DNHD1: variants seen among roughly 807,000 people sequenced by gnomAD.
The protein encoded by DNHD1 is dynein heavy chain domain 1.
Under a neutral mutation model 458.1 loss-of-function variants are expected in DNHD1, and 383 were observed. That is an observed-to-expected ratio of 0.84 (90% CI 0.77 to 0.91). The LOEUF (loss-of-function observed/expected upper bound fraction) is 0.91, where lower values mean the gene tolerates loss of function less well. Ranked by LOEUF, DNHD1 falls within the 40% of genes least tolerant of loss-of-function variation. The pLI, the probability that DNHD1 is intolerant of heterozygous loss-of-function variation, is 0.00. For synonymous variants in DNHD1, 2,203 were observed against 2,376.9 expected (o/e 0.93, Z 2.13); for missense variants, 5,336 against 5,866.1 (o/e 0.91, Z 2.95).
At chr11:6,509,775 C>T (rs1206382824) in intron 6 of DNHD1, among the ~76,000 whole-genome samples, 5 of 152,116 alleles carry the variant, frequency 3.3e-5, no homozygotes, top group Admixed American at 2.0e-4. Flanking sequence ...TACATGACTC[C>T]TCAGCTACTC....
intron 4 of DNHD1, chr11:6,503,128 T>A: frequency 1.8e-6 from 1 of 541,808 alleles, no homozygotes; most frequent in Non-Finnish European, 3.2e-6. Flanking sequence ...TCACTCCCTG[T>A]TGCTTACACA....
Position 6,557,727 on chromosome 11 carries a change from A to C in DNHD1, c.8432A>C (p.His2811Pro). 6.4e-7 allele frequency: 1 copy of C among 1,551,746 alleles called. No individual in the cohort carries two copies. Among genetic ancestry groups the C allele is most frequent in the Non-Finnish European group, 8.7e-7 (1 of 1,146,992 alleles). ...SPLLLPVLLLHPQEKPSDLVF... is the reference protein window; with the variant it reads ...SPLLLPVLLLPPQEKPSDLVF... ...TTGTTGTTACCAGTGTTACTACTACATCCCCAGGAAAAGCCCTCAGACCTG... is the reference window on the plus strand; with the variant it reads ...TTGTTGTTACCAGTGTTACTACTACCTCCCCAGGAAAAGCCCTCAGACCTG... The change falls in exon 25 of 43, where the codon CAT becomes CCT. Residue 2811 changes from histidine (H) to proline (P), a missense_variant. By Grantham distance (77) the His-to-Pro change is moderately conservative. Coordinates refer to ENST00000254579, the MANE Select transcript of DNHD1 (RefSeq NM_144666.3).
chr11:6,570,456 C>T, intron 41 of DNHD1, 60 bp downstream of exon 41: 1 of 1,527,338 alleles, frequency 6.5e-7, no homozygotes, highest in Non-Finnish European at 8.8e-7. Context: ...ATGCCACCCC[C>T]CACAGAAATG....
chr11:6,539,258 C>T lies in DNHD1; in HGVS notation c.3365C>T (p.Thr1122Met), dbSNP rs549431412. The T allele has an allele frequency of 2.4e-5, 38 of 1,551,670 alleles. No homozygotes were observed. In the South Asian group the frequency reaches 2.6e-4, roughly 11 times the overall value. The change falls in exon 17 of 43, where the codon ACG becomes ATG. Residue 1122 changes from threonine (T) to methionine (M), a missense_variant. Physicochemically the swap from Thr to Met is moderately conservative, Grantham distance 81. This residue lies in a region of DNHD1 where 3,932 missense variants were observed against 4,365.6 expected (regional missense o/e 0.90). Transcript: ENST00000254579. ...AGTCTCCAAACTATAGAACTCCTAA[C>T]GCTGGGCCAGCTGCTTACTTATCCA... The part of the protein sequence containing the change: ...LGSLQTIELL[T>M]LGQLLTYPLL...
rs1197587796 is a variant in DNHD1, at chr11:6,539,285, T to C, written c.3392T>C (p.Leu1131Pro). Residue 1131 changes from leucine to proline, a missense_variant, in exon 17 of 43, where the codon CTG becomes CCG. By Grantham distance (98) the Leu-to-Pro change is moderately conservative. Coordinates refer to ENST00000254579, the MANE Select transcript of DNHD1 (RefSeq NM_144666.3). ...LTLGQLLTYP[L>P]LEFADRINQV... ...CTGGGCCAGCTGCTTACTTATCCACTGCTGGAGTTTGCAGATCGAATCAAC... is the reference window on the plus strand; with the variant it reads ...CTGGGCCAGCTGCTTACTTATCCACCGCTGGAGTTTGCAGATCGAATCAAC... 6.4e-7 allele frequency: 1 copy of C among 1,551,640 alleles called. No individual in the cohort carries two copies. Among genetic ancestry groups the C allele is most frequent in the Non-Finnish European group, 8.7e-7 (1 of 1,146,964 alleles).
chr11:6,569,928 G>A, intron 39 of DNHD1, 81 bp from the exon 40 acceptor site: 2 of 1,234,932 alleles, frequency 1.6e-6, no homozygotes, highest in South Asian at 1.3e-5. Context: ...TCAGGAGAGA[G>A]GTTTGAACTG....
chr11:6,567,928 C>T (rs1052624648), intron 36 of DNHD1, 68 bp downstream of exon 36: 14 of 1,490,962 alleles, frequency 9.4e-6, no homozygotes, highest in Middle Eastern at 1.9e-4. Flanking sequence ...GGGACCCCCT[C>T]CAAGCATTTT....
chr11:6,556,084 C>T (rs757800801), intron 24 of DNHD1, among the ~76,000 whole-genome samples: 5 of 152,144 alleles, frequency 3.3e-5, no homozygotes, highest in Non-Finnish European at 7.3e-5. Context: ...AGTGATCCTC[C>T]AGCCTTAGCC....
rs1317254552 is a variant in DNHD1 at position 6,571,906 on chromosome 11, C to G, written c.14182C>G (p.His4728Asp). ...GCTGCAGAGCAGGAACATCGTGATGCATCTGCCTTTACCCACCAAGCTCAC... is the reference window on the plus strand; with the variant it reads ...GCTGCAGAGCAGGAACATCGTGATGGATCTGCCTTTACCCACCAAGCTCAC... ...AKLQSRNIVM[H>D]LPLPTKLTPN... is the part of the protein sequence containing the mutation. The change falls in exon 43 of 43, where the codon CAT (histidine) becomes GAT (aspartate). Residue 4728 changes from histidine to aspartate, a missense_variant. His to Asp is a moderately conservative substitution (Grantham distance 81, BLOSUM62 -1). Coordinates refer to ENST00000254579, the MANE Select transcript of DNHD1 (RefSeq NM_144666.3). This position sits in a 1 kb window ranked among gnomAD's most constrained non-coding sequence, Gnocchi z 5.0. 2 of 1,613,934 alleles carry G rather than the reference C, an allele frequency of 1.2e-6. No homozygotes were observed. The highest frequency in any genetic ancestry group is 1.7e-6 in the Non-Finnish European group (2 of 1,179,912).
At position 6,544,833 on chromosome 11, in the gene DNHD1, G is replaced by A; in HGVS notation, c.3894G>A (p.Leu1298=). The A allele has an allele frequency of 6.4e-7, 1 of 1,551,700 alleles. No individual in the cohort carries two copies. Among genetic ancestry groups the A allele is most frequent in the Non-Finnish European group, 8.7e-7 (1 of 1,147,002 alleles). ...FKVMDDQYRT[L]MRISVADPMV... The stretch of plus-strand genomic sequence containing the variant: ...TCATGGATGACCAGTATCGAACCCT[G>A]ATGCGCATCTCTGTAGCTGACCCCA... The change falls in exon 21 of 43, where the codon CTG becomes CTA. Residue 1298 remains leucine (L), a synonymous_variant. Coordinates refer to ENST00000254579, the MANE Select transcript of DNHD1 (RefSeq NM_144666.3).
chr11:6,556,040 G>A (rs1853455766), intron 24 of DNHD1, among the ~76,000 whole-genome samples: 1 of 152,036 alleles, frequency 6.6e-6, no homozygotes, highest in Non-Finnish European at 1.5e-5. Context: ...AGGCTGGATG[G>A]TGCGATCAGG....
rs1389114467 is a variant in DNHD1, at chr11:6,546,725, G to A, written c.5786G>A (p.Arg1929Gln). ...AATGGGCTCCACCTGCACAACCTCCGAGGGCTGTTGTGTGCGCTTTTCCCT... is the reference window on the plus strand; with the variant it reads ...AATGGGCTCCACCTGCACAACCTCCAAGGGCTGTTGTGTGCGCTTTTCCCT... ...ILNGLHLHNLRGLLCALFPSA... is the reference protein window; with the variant it reads ...ILNGLHLHNLQGLLCALFPSA... Residue 1929 changes from arginine (R) to glutamine (Q), a missense_variant, in exon 21 of 43, where the codon CGA (arginine) becomes CAA (glutamine). Transcript: ENST00000254579. The A allele has an allele frequency of 8.4e-6, 13 of 1,551,664 alleles. No individual in the cohort carries two copies. The highest frequency in any genetic ancestry group is 3.9e-5 in the Admixed American group (2 of 51,002).
In DNHD1 at chr11:6,510,416, C is replaced by G. The variant is rs373971778; in HGVS notation, c.1236-857C>G. Among the ~76,000 whole-genome samples, 11 of 152,148 alleles carry G rather than the reference C, an allele frequency of 7.2e-5. No homozygotes were observed. The East Asian group carries it at 7.7e-4, about 11-fold the overall frequency. On this transcript the variant is annotated intron_variant, in intron 6 of 42. Coordinates refer to ENST00000254579, the MANE Select transcript of DNHD1 (RefSeq NM_144666.3). ...TTTTTATTAAAACACTGTATGCTAG[C>G]CAACTCTTAGTGACTCATTTTGAAA...
intron 16 of DNHD1, 33 bp downstream of exon 16, chr11:6,538,843 G>A (rs1010781142): frequency 3.4e-6 from 5 of 1,467,554 alleles, no homozygotes; most frequent in Non-Finnish European, 4.5e-6. Context: ...GAGGGGGAAA[G>A]GGAAATATGT....
intron 18 of DNHD1, among the ~76,000 whole-genome samples, chr11:6,543,695 T>C (rs576129794): frequency 1.7e-4 from 26 of 152,148 alleles, no homozygotes; most frequent in East Asian, 7.8e-4. Flanking sequence ...CATGGTGGCT[T>C]ACACCTGTAA....
chr11:6,558,948 C>A lies in DNHD1; in HGVS notation c.9258C>A (p.Ala3086=). ...TCCAGGCCTCAATTCCCAGTGTGGC[C>A]AAAGCCATGGCTCTTATCCACCTTT... ...PDLQASIPSV[A]KAMALIHLSA... is the part of the protein sequence containing the mutation. The change falls in exon 27 of 43, where the codon GCC becomes GCA. Residue 3086 remains alanine (A), a synonymous_variant. Coordinates refer to ENST00000254579, the MANE Select transcript of DNHD1 (RefSeq NM_144666.3). 6.4e-7 allele frequency: 1 copy of A among 1,551,712 alleles called. No homozygotes were observed. The highest frequency in any genetic ancestry group is 8.7e-7 in the Non-Finnish European group (1 of 1,147,004).
Position 6,546,359 on chromosome 11 carries a change from T to C in DNHD1, c.5420T>C (p.Leu1807Pro). Reference sequence around the variant, plus strand: ...CTTGGCTATGGCTGTCTCCTGGTACTGCGTGCCCTGAGCTCTGCTGTGCCT... The same window carrying C: ...CTTGGCTATGGCTGTCTCCTGGTACCGCGTGCCCTGAGCTCTGCTGTGCCT... ...VRLGYGCLLV[L>P]RALSSAVPAN... Residue 1807 changes from leucine (L) to proline (P), a missense_variant, in exon 21 of 43, where the codon CTG (leucine) becomes CCG (proline). Transcript: ENST00000254579. 1.9e-6 allele frequency: 3 copies of C among 1,552,274 alleles called. No homozygotes were observed. Among genetic ancestry groups the C allele is most frequent in the Non-Finnish European group, 1.7e-6 (2 of 1,147,108 alleles).
chr11:6,509,385 C>T, intron 6 of DNHD1, 113 bp downstream of exon 6: 1 of 885,276 alleles, frequency 1.1e-6, no homozygotes, highest in Non-Finnish European at 1.7e-6. Flanking sequence ...TAAGAAAAAA[C>T]CTTTAATCCT....
intron 7 of DNHD1, among the ~76,000 whole-genome samples, chr11:6,514,693 T>G (rs1241152551): frequency 6.6e-6 from 1 of 152,150 alleles, no homozygotes; most frequent in East Asian, 1.9e-4. Context: ...TCCCATTTCC[T>G]TTATCATTTA....
Sources: allele counts gnomAD v4.1 joint callset (sites outside exome capture counted in the v4.1 genomes callset), GRCh38; gene constraint gnomAD v4.1.1; regional missense constraint gnomAD v4.1.1; non-coding constraint Gnocchi (gnomAD v3.1); transcripts MANE v1.5; gene names NCBI Gene and HGNC (gene_info 2026-07-23, HGNC 2026-07-21).